Variants in DSC3 observed in about 807,000 individuals in gnomAD.
The protein encoded by DSC3 is desmocollin 3.
In DSC3, 97 loss-of-function variants were observed where a neutral mutation model predicts 89.5. That is an observed-to-expected ratio of 1.08 (90% CI 0.92 to 1.28). The LOEUF (loss-of-function observed/expected upper bound fraction) is 1.28. Among genes scored for constraint, DSC3 ranks in the 50% most tolerant of loss-of-function variants. The pLI, the probability that DSC3 is intolerant of heterozygous loss-of-function variation, is 0.00. For synonymous variants in DSC3, 436 were observed against 384.1 expected, an observed-to-expected ratio of 1.14 and a Z score of -1.58; for missense variants, 1,199 against 1,085.3, an observed-to-expected ratio of 1.10 and a Z score of -1.47.
intron 9 of DSC3, among the ~76,000 whole-genome samples, chr18:31,013,974 A>C (rs1985153268): frequency 6.6e-6 from 1 of 152,166 alleles, no homozygotes; most frequent in Non-Finnish European, 1.5e-5. Context: ...TTCCATTGAT[A>C]TGGCCTAAAT....
rs1008880191 is a variant in DSC3 at position 31,022,359 on chromosome 18, C to G, written c.919G>C (p.Val307Leu). The G allele has an allele frequency of 2.6e-5, 42 of 1,613,834 alleles. No homozygotes were observed. The highest frequency in any genetic ancestry group is 3.4e-5 in the Non-Finnish European group (40 of 1,179,914). ...ACCTCTCTGTCCAAATAATGAGAGA[C>G]TGTGGTGATTACGCCTGTGCTGGGA... ...VHPSTGVITT[V>L]SHYLDREVVD... The change falls in exon 7 of 16, where the codon GTC becomes CTC. Residue 307 changes from valine (V) to leucine (L), a missense_variant. Transcript: ENST00000360428.
chr18:31,001,251 G>T (rs578033837), intron 14 of DSC3, among the ~76,000 whole-genome samples: 2 of 151,360 alleles, frequency 1.3e-5, no homozygotes, highest in African/African-American at 4.8e-5. Context: ...GCTATCTTGA[G>T]AACTTTTAGC....
intron 9 of DSC3, among the ~76,000 whole-genome samples, chr18:31,008,822 C>A (rs1336105566): frequency 6.6e-6 from 1 of 152,146 alleles, no homozygotes; most frequent in African/African-American, 2.4e-5. Context: ...GTAATGCAAA[C>A]AGATGACAGT....
chr18:31,039,043 T>G (rs1986055959), intron 1 of DSC3, among the ~76,000 whole-genome samples: 1 of 152,068 alleles, frequency 6.6e-6, no homozygotes, highest in African/African-American at 2.4e-5. Flanking sequence ...AATGATGAAC[T>G]AATGACCTTT....
chr18:31,006,414 C>T (rs2144689223), intron 12 of DSC3, among the ~76,000 whole-genome samples: 1 of 152,182 alleles, frequency 6.6e-6, no homozygotes, highest in East Asian at 1.9e-4. Flanking sequence ...ATTCTGCTGC[C>T]TCAGCCTCCC....
In DSC3 at chr18:31,012,385, G is replaced by A. The variant is rs77341157; in HGVS notation, c.1264-3860C>T. 1.9e-3 allele frequency among the ~76,000 whole-genome samples: 294 copies of A among 152,292 alleles called. 5 individuals are homozygous for A. In the East Asian group the frequency reaches 0.032, roughly 17 times the overall value. On this transcript the variant is annotated intron_variant, in intron 9 of 15. Transcript: ENST00000360428. ...ATGGAAAAGAGGCGACATAAGAGAA[G>A]CAAGGATACCAAGCCAGAAGGAGAA...
chr18:31,038,589 C>T (rs1986040375), intron 1 of DSC3, among the ~76,000 whole-genome samples: 1 of 152,022 alleles, frequency 6.6e-6, no homozygotes, highest in Non-Finnish European at 1.5e-5. Context: ...TTTTGACTTG[C>T]TCAGAGTAGG....
At chr18:31,032,485 CAG>C (rs1487104837) in intron 1 of DSC3, among the ~76,000 whole-genome samples, 1 of 151,832 alleles carries the variant, frequency 6.6e-6, no homozygotes, top group Non-Finnish European at 1.5e-5. Context: ...AGGAGAAAAA[CAG>C]AATCATTTCT....
Position 31,004,321 on chromosome 18 carries a change from T to C in DSC3, c.1934A>G (p.Glu645Gly). The change falls in exon 13 of 16, where the codon GAA (glutamate) becomes GGA (glycine). Residue 645 changes from glutamate to glycine, a missense_variant. Glu to Gly is a moderately conservative substitution (Grantham distance 98). Coordinates refer to ENST00000360428, the MANE Select transcript of DSC3 (RefSeq NM_001941.5). The part of the protein sequence containing the change: ...LSYQKNAGFQ[E>G]YTIPITVKDR... ...TTTTACAGTAATAGGAATGGTATAT[T>C]CTTGAAATCCAGCATTTTTCTGATA... 1 of 1,613,984 alleles carries C rather than the reference T, an allele frequency of 6.2e-7. No homozygotes were observed. Among genetic ancestry groups the C allele is most frequent in the Non-Finnish European group, 8.5e-7 (1 of 1,179,920 alleles).
chr18:30,993,470 C>T lies in DSC3; in HGVS notation c.*705G>A, dbSNP rs911494650. On this transcript the variant is annotated 3_prime_UTR_variant, in exon 16 of 16. Coordinates refer to ENST00000360428, the MANE Select transcript of DSC3 (RefSeq NM_001941.5). ...TAATGCAGCATTTAAGAGCCCAGGC[C>T]TAGGAAGCTCTCTCTTTTTTCTATT... is the stretch of plus-strand genomic sequence containing the variant. 7 of 152,228 alleles carry T rather than the reference C, an allele frequency of 4.6e-5. No individual in the cohort carries two copies. Among genetic ancestry groups the T allele is most frequent in the African/African-American group, 1.7e-4 (7 of 41,456 alleles). The allele number at this position is 152,228 out of a possible 1,614,324, so 9.4% of individuals were successfully genotyped here.
At chr18:31,025,024 T>A (rs529164259) in intron 5 of DSC3, among the ~76,000 whole-genome samples, 62 of 152,312 alleles carry the variant, frequency 4.1e-4, no homozygotes, top group African/African-American at 1.4e-3. Context: ...ACTGAACATG[T>A]GATTACAACA....
At chr18:31,028,415 G>A (rs1985673551) in intron 4 of DSC3, among the ~76,000 whole-genome samples, 1 of 152,106 alleles carries the variant, frequency 6.6e-6, no homozygotes, top group East Asian at 1.9e-4. Context: ...CAAAGCAAAG[G>A]CTAAAACTAG....
chr18:31,017,552 C>G (rs768038741), intron 9 of DSC3, among the ~76,000 whole-genome samples: 2 of 151,922 alleles, frequency 1.3e-5, no homozygotes, highest in Non-Finnish European at 2.9e-5. Context: ...TGAATATCAC[C>G]TTTAAAAGGA....
Position 31,008,013 on chromosome 18 carries a change from T to TA in DSC3, c.1663+2dup, listed in dbSNP as rs753794277. ...GAATACCAGATTAAAACTTTTTTTT[T>TA]ACCTTTGTCTATTGCCAGGACTGTA... On this transcript the variant is annotated splice_region_variant and intron_variant, in intron 11 of 15. Transcript: ENST00000360428. 4.3e-6 allele frequency: 7 copies of TA among 1,611,438 alleles called. No individual in the cohort carries two copies. Among genetic ancestry groups the TA allele is most frequent in the Non-Finnish European group, 5.9e-6 (7 of 1,178,190 alleles).
intron 9 of DSC3, 22 bp from the exon 10 acceptor site, chr18:31,008,547 T>C (rs774652451): frequency 6.2e-7 from 1 of 1,613,154 alleles, no homozygotes; most frequent in South Asian, 1.1e-5. Context: ...AGTCCATGTA[T>C]ATCAGTGTCA....
chr18:31,039,451 A>G (rs1487715547), intron 1 of DSC3, among the ~76,000 whole-genome samples: 2 of 152,214 alleles, frequency 1.3e-5, no homozygotes, highest in Admixed American at 6.5e-5. Flanking sequence ...TGGATTAAAC[A>G]CAATAATTAC....
intron 14 of DSC3, among the ~76,000 whole-genome samples, chr18:31,001,116 T>TATATATATATATATA (rs1984644654): frequency 6.8e-6 from 1 of 146,056 alleles, no homozygotes; most frequent in Non-Finnish European, 1.5e-5. Flanking sequence ...TATATATACT[T>TATATATATATATATA]TACACAAAAC....
At chr18:31,041,812 G>T (rs999325900) in intron 1 of DSC3, among the ~76,000 whole-genome samples, 3 of 152,080 alleles carry the variant, frequency 2.0e-5, no homozygotes, top group East Asian at 3.9e-4. Flanking sequence ...TGCTCCGGCC[G>T]CGCAGTCCTC....
At chr18:31,018,902 G>A (rs201257674) in intron 7 of DSC3, 102 bp from the exon 8 acceptor site, 2 of 332,666 alleles carry the variant, frequency 6.0e-6, no homozygotes, top group Non-Finnish European at 8.0e-6. Context: ...ACACACATCT[G>A]TGTGTTTCCG....
Sources: allele counts gnomAD v4.1 joint callset (sites outside exome capture counted in the v4.1 genomes callset), GRCh38; gene constraint gnomAD v4.1.1; transcripts MANE v1.5; gene names NCBI Gene and HGNC (gene_info 2026-07-23, HGNC 2026-07-21).